The following UNC13B variants were observed in gnomAD, a reference collection of about 807,000 sequenced individuals.
UNC13B encodes protein unc-13 homolog B.
Under a neutral mutation model 211.0 loss-of-function variants are expected in UNC13B, and 144 were observed. That is an observed-to-expected ratio of 0.68 (90% CI 0.60 to 0.78). UNC13B has a LOEUF of 0.78. Ranked by LOEUF, UNC13B falls within the 30% of genes least tolerant of loss-of-function variation. The probability of loss-of-function intolerance (pLI) is 0.00; values close to 1 mark genes in which losing one functional copy is unlikely to be tolerated. For synonymous variants in UNC13B, 709 were observed against 725.8 expected, an observed-to-expected ratio of 0.98 and a Z score of 0.37; for missense variants, 1,777 against 2,002.0, an observed-to-expected ratio of 0.89 and a Z score of 2.14.
chr9:35,230,458 A>G (rs185776064), intron 2 of UNC13B, among the ~76,000 whole-genome samples: 396 of 148,552 alleles, frequency 2.7e-3, no homozygotes, highest in African/African-American at 9.5e-3. Flanking sequence ...GTGACACAGC[A>G]AGACTCTGTC....
chr9:35,171,497 G>T (rs908734729), intron 1 of UNC13B, among the ~76,000 whole-genome samples: 55 of 152,306 alleles, frequency 3.6e-4, no homozygotes, highest in African/African-American at 1.2e-3. Flanking sequence ...AAACTCCTGG[G>T]CTCAAGAGAT....
chr9:35,311,815 G>T (rs1830193512), intron 10 of UNC13B, among the ~76,000 whole-genome samples: 1 of 152,090 alleles, frequency 6.6e-6, no homozygotes, highest in Non-Finnish European at 1.5e-5. Flanking sequence ...CAATGTGTCT[G>T]CCAATTGGTA....
At chr9:35,370,271 A>T in intron 12 of UNC13B, 47 bp from the exon 13 acceptor site, 1 of 1,574,624 alleles carries the variant, frequency 6.4e-7, no homozygotes, top group South Asian at 1.1e-5. Context: ...CCACCAGCTA[A>T]CTCAAAGCAA....
chr9:35,236,538 G>GGT lies in UNC13B; in HGVS notation c.224_225dup (p.Gly76TrpfsTer8). ...ACAAAGGACTGATCTGGGACACCAT[G>GGT]GTGGGGACTGTGTGGATTGCGCTGA... On this transcript the variant is annotated frameshift_variant, in exon 4 of 40. Transcript: ENST00000635942. LOFTEE classifies it high-confidence loss of function. The GGT allele has an allele frequency of 6.2e-7, 1 of 1,614,164 alleles. No homozygotes were observed.
intron 1 of UNC13B, among the ~76,000 whole-genome samples, chr9:35,199,572 T>C (rs1329629050): frequency 6.6e-6 from 1 of 152,236 alleles, no homozygotes; most frequent in African/African-American, 2.4e-5. Context: ...GTGGTTTTGA[T>C]TTGCATTTCT....
chr9:35,231,877 A>G (rs1300124732), intron 3 of UNC13B, among the ~76,000 whole-genome samples: 1 of 152,016 alleles, frequency 6.6e-6, no homozygotes. Context: ...CCTGTTCTAC[A>G]AAAGGGGAGA....
chr9:35,283,637 A>G (rs1040668329), intron 7 of UNC13B, among the ~76,000 whole-genome samples: 6 of 152,218 alleles, frequency 3.9e-5, no homozygotes, highest in African/African-American at 1.4e-4. Flanking sequence ...GAAGAAATAG[A>G]CAATTAACAT....
intron 5 of UNC13B, 83 bp downstream of exon 5, chr9:35,237,909 T>A (rs1201053843): frequency 7.1e-7 from 1 of 1,405,454 alleles, no homozygotes; most frequent in Non-Finnish European, 9.6e-7. Context: ...ATGTATATTT[T>A]GTCACCTCAG....
intron 1 of UNC13B, among the ~76,000 whole-genome samples, chr9:35,168,031 A>C (rs1479820987): frequency 6.7e-6 from 1 of 148,716 alleles, no homozygotes; most frequent in African/African-American, 2.5e-5. Flanking sequence ...CTGTCCTCCC[A>C]TCTCAGTCTC....
At chr9:35,243,209 A>G in intron 5 of UNC13B, 82 bp from the exon 6 acceptor site, 1 of 1,386,190 alleles carries the variant, frequency 7.2e-7, no homozygotes, top group Non-Finnish European at 1.0e-6. Context: ...TTCAGTCATT[A>G]GACAGAGTAA....
At chr9:35,215,858 G>A (rs1824220770) in intron 1 of UNC13B, among the ~76,000 whole-genome samples, 1 of 152,102 alleles carries the variant, frequency 6.6e-6, no homozygotes, top group African/African-American at 2.4e-5. Context: ...AGTTTTAATC[G>A]TAATAGAGGG....
rs1834760843 is a variant in UNC13B, at chr9:35,380,610, G to A, written c.10346G>A (p.Ser3449Asn). 4.3e-6 allele frequency: 7 copies of A among 1,614,246 alleles called. No homozygotes were observed. Among genetic ancestry groups the A allele is most frequent in the Non-Finnish European group, 5.1e-6 (6 of 1,180,040 alleles). ...ACCATCATTGAGGTTCGGACCCTAAGTGGCGAGATGGACGTCTGGTACAAC... is the reference window on the plus strand; with the variant it reads ...ACCATCATTGAGGTTCGGACCCTAAATGGCGAGATGGACGTCTGGTACAAC... ...GQTIIEVRTL[S>N]GEMDVWYNLE... The change falls in exon 18 of 40, where the codon AGT becomes AAT. Residue 3449 changes from serine (S) to asparagine (N), a missense_variant. By Grantham distance (46) the Ser-to-Asn change is conservative (BLOSUM62 1). Transcript: ENST00000635942.
chr9:35,277,428 G>T lies in UNC13B; in HGVS notation c.527-18268G>T, dbSNP rs372802290. Reference sequence around the variant, plus strand: ...TAATTTATAAGCATTAGAATGCTCAGGGGTATCCCTAGTAGAAATGACATT... The same window carrying T: ...TAATTTATAAGCATTAGAATGCTCATGGGTATCCCTAGTAGAAATGACATT... On this transcript the variant is annotated intron_variant, in intron 7 of 39. Transcript: ENST00000635942. 7.6e-4 allele frequency among the ~76,000 whole-genome samples: 115 copies of T among 152,250 alleles called. 1 individual carries two copies. The South Asian group carries it at 0.019, about 25-fold the overall frequency.
At chr9:35,216,976 G>A (rs1262599259) in intron 1 of UNC13B, among the ~76,000 whole-genome samples, 2 of 152,174 alleles carry the variant, frequency 1.3e-5, no homozygotes, top group African/African-American at 4.8e-5. Flanking sequence ...TGATGGAGAT[G>A]GAGAGCAGAT....
intron 11 of UNC13B, among the ~76,000 whole-genome samples, chr9:35,359,044 C>G (rs947765201): frequency 6.6e-6 from 1 of 151,760 alleles, no homozygotes; most frequent in Non-Finnish European, 1.5e-5. Flanking sequence ...AGGAGTCCAG[C>G]TTTATTCTTG....
chr9:35,253,450 T>C (rs575231617), intron 6 of UNC13B, among the ~76,000 whole-genome samples: 31 of 147,464 alleles, frequency 2.1e-4, no homozygotes, highest in African/African-American at 7.4e-4. Context: ...ATTTTTATCA[T>C]GAAAAAAATT....
Position 35,231,318 on chromosome 9 carries a change from A to T in UNC13B, c.152+99A>T, listed in dbSNP as rs531311291. The T allele has an allele frequency of 1.7e-3, 1,368 of 807,244 alleles. 36 individuals carry two copies. The South Asian group carries it at 0.022, about 13-fold the overall frequency. 50.0% of individuals were successfully genotyped at this position (807,244 alleles called of 1,614,324 possible). A position where few individuals can be genotyped will look rare whatever the true frequency, so the allele number is the denominator to read the frequency against. On this transcript the variant is annotated intron_variant, in intron 3 of 39. Coordinates refer to ENST00000635942, the MANE Select transcript of UNC13B (RefSeq NM_001371189.2). ...TTAGAAGATTTTGTGTATTTTTGAG[A>T]TTTATAAAATGTACTGGCACTGTTA...
At chr9:35,356,456 G>C (rs1284445508) in intron 11 of UNC13B, among the ~76,000 whole-genome samples, 1 of 151,718 alleles carries the variant, frequency 6.6e-6, no homozygotes, top group Non-Finnish European at 1.5e-5. Flanking sequence ...TTTTATTCCT[G>C]TCACTCCACC....
At chr9:35,384,627 C>T (rs1437695644) in intron 22 of UNC13B, 1 of 985,252 alleles carries the variant, frequency 1.0e-6, no homozygotes, top group African/African-American at 1.7e-5. Flanking sequence ...CCAGGAGTAT[C>T]CTTTTAAAAA....
Sources: gnomAD v4.1 joint callset for allele counts (sites outside exome capture counted in the v4.1 genomes callset) on GRCh38, gnomAD v4.1.1 for gene constraint, MANE v1.5 for transcripts, NCBI Gene and HGNC (gene_info 2026-07-23, HGNC 2026-07-21) for gene names.